Variants in LRP1B observed in about 807,000 individuals in gnomAD.
LRP1B encodes the protein low-density lipoprotein receptor-related protein 1B.
In LRP1B, 217 loss-of-function variants were observed where a neutral mutation model predicts 556.6. The ratio of observed to expected loss-of-function variants is 0.39; its 90% CI spans 0.35 to 0.44. The LOEUF (loss-of-function observed/expected upper bound fraction) is 0.44. Ranked by LOEUF, LRP1B falls within the 20% of genes least tolerant of loss-of-function variation. LRP1B has a pLI of 1.00. For missense variants in LRP1B, 5,053 were observed against 5,620.8 expected (o/e 0.90, Z 3.23); for synonymous variants, 2,047 against 1,865.8 (o/e 1.10, Z -2.50).
At chr2:140,233,665 G>C (rs1374822686) in intron 90 of LRP1B, among the ~76,000 whole-genome samples, 2 of 151,160 alleles carry the variant, frequency 1.3e-5, no homozygotes, top group Non-Finnish European at 3.0e-5. Flanking sequence ...AAATTGTCAT[G>C]TTTTCAGTTT....
At chr2:142,128,089 C>T (rs1707720343) in intron 1 of LRP1B, among the ~76,000 whole-genome samples, 1 of 151,874 alleles carries the variant, frequency 6.6e-6, no homozygotes, top group African/African-American at 2.4e-5. Flanking sequence ...TCAATATAAA[C>T]TAATAAAATA....
intron 3 of LRP1B, among the ~76,000 whole-genome samples, chr2:141,312,484 G>C (rs1234995711): frequency 6.6e-6 from 1 of 152,146 alleles, no homozygotes; most frequent in Admixed American, 6.5e-5. Flanking sequence ...GCTGTTAACA[G>C]TTAAGTTTTG....
intron 20 of LRP1B, among the ~76,000 whole-genome samples, chr2:140,930,636 G>T (rs1695021086): frequency 6.6e-6 from 1 of 152,058 alleles, no homozygotes; most frequent in South Asian, 2.1e-4. Flanking sequence ...CCAGTCTGAG[G>T]GAGAAGTCTT....
In LRP1B at chr2:141,055,048, CTAAT is replaced by C. The variant is rs1574027124; in HGVS notation, c.1552+64_1552+67del. The C allele has an allele frequency of 1.9e-5, 29 of 1,553,304 alleles. No homozygotes were observed. The East Asian group carries it at 6.2e-4, about 33-fold the overall frequency. ...CATGTTATGACTGATGTTGATGCTGCTAATTAATACTTAAAATCCTATTCTAAAG... is the reference window on the plus strand; with the variant it reads ...CATGTTATGACTGATGTTGATGCTGCTAATACTTAAAATCCTATTCTAAAG... On this transcript the variant is annotated intron_variant, in intron 10 of 90. Coordinates refer to ENST00000389484, the MANE Select transcript of LRP1B (RefSeq NM_018557.3).
At chr2:141,339,431 A>G (rs1318661177) in intron 3 of LRP1B, among the ~76,000 whole-genome samples, 1 of 152,182 alleles carries the variant, frequency 6.6e-6, no homozygotes, top group Non-Finnish European at 1.5e-5. Context: ...TTCTTTTACT[A>G]CATATTGGGC....
intron 66 of LRP1B, among the ~76,000 whole-genome samples, chr2:140,424,276 T>G (rs575921963): frequency 6.6e-6 from 1 of 152,336 alleles, no homozygotes; most frequent in Admixed American, 6.5e-5. Flanking sequence ...TTTTTTAAAA[T>G]TACGAAGTAT....
intron 32 of LRP1B, among the ~76,000 whole-genome samples, chr2:140,781,122 A>G (rs1689683915): frequency 6.6e-6 from 1 of 152,194 alleles, no homozygotes; most frequent in Non-Finnish European, 1.5e-5. Flanking sequence ...GTACAGGGTC[A>G]GTAAATAAAT....
intron 21 of LRP1B, 77 bp downstream of exon 21, chr2:140,922,888 G>T (rs2105257793): frequency 8.1e-7 from 1 of 1,240,420 alleles, no homozygotes; most frequent in Non-Finnish European, 1.1e-6. Flanking sequence ...ACAAAGGTGA[G>T]ATACAGATTC....
chr2:141,860,010 A>T (rs1466157997), intron 1 of LRP1B, among the ~76,000 whole-genome samples: 5 of 152,160 alleles, frequency 3.3e-5, no homozygotes, highest in Non-Finnish European at 2.9e-5. Flanking sequence ...TTCATAAAAA[A>T]CAAACAGAAA....
intron 11 of LRP1B, among the ~76,000 whole-genome samples, chr2:141,038,432 G>C (rs1470217481): frequency 6.6e-6 from 1 of 152,110 alleles, no homozygotes; most frequent in Non-Finnish European, 1.5e-5. Context: ...ACCAAGTTTT[G>C]ATGTGGAGTA....
intron 1 of LRP1B, among the ~76,000 whole-genome samples, chr2:141,943,736 A>G (rs1312279003): frequency 1.3e-5 from 2 of 152,040 alleles, no homozygotes; most frequent in Admixed American, 6.6e-5. Flanking sequence ...TGAAGTCTTA[A>G]TACATGACTT....
intron 7 of LRP1B, among the ~76,000 whole-genome samples, chr2:141,126,278 C>A (rs906933425): frequency 6.6e-6 from 1 of 152,146 alleles, no homozygotes; most frequent in Non-Finnish European, 1.5e-5. Context: ...AGGTGATGCA[C>A]CCGCCTCGGA....
At chr2:140,860,352 C>T (rs1692752960) in intron 27 of LRP1B, among the ~76,000 whole-genome samples, 1 of 152,154 alleles carries the variant, frequency 6.6e-6, no homozygotes, top group Non-Finnish European at 1.5e-5. Flanking sequence ...CTCTCTTTTT[C>T]TGGGTTTTGA....
At chr2:142,126,014 A>G (rs925364757) in intron 1 of LRP1B, among the ~76,000 whole-genome samples, 3 of 151,862 alleles carry the variant, frequency 2.0e-5, no homozygotes, top group Admixed American at 1.3e-4. Context: ...GGCTGAGCAT[A>G]TATTCTGATT....
chr2:142,000,676 T>C (rs1030844533), intron 1 of LRP1B, among the ~76,000 whole-genome samples: 2 of 152,216 alleles, frequency 1.3e-5, no homozygotes, highest in Non-Finnish European at 2.9e-5. Context: ...GTCATAATGC[T>C]TACTTTTTGC....
chr2:142,051,717 C>T (rs548593566), intron 1 of LRP1B, among the ~76,000 whole-genome samples: 23 of 152,068 alleles, frequency 1.5e-4, no homozygotes, highest in Admixed American at 1.5e-3. Flanking sequence ...CCTTGTGATC[C>T]ATCCCCCTCG....
intron 2 of LRP1B, among the ~76,000 whole-genome samples, chr2:141,500,721 T>G (rs558376404): frequency 6.6e-6 from 1 of 152,234 alleles, no homozygotes; most frequent in East Asian, 1.9e-4. Flanking sequence ...AGTTTTTTCA[T>G]CCATATAGAT....
chr2:141,019,999 T>G lies in LRP1B; in HGVS notation c.1893A>C (p.Lys631Asn), dbSNP rs2105396853. 1 of 1,611,512 alleles carries G rather than the reference T, an allele frequency of 6.2e-7. No individual in the cohort carries two copies. The highest frequency in any genetic ancestry group is 8.5e-7 in the Non-Finnish European group (1 of 1,178,344). Residue 631 changes from lysine to asparagine, a missense_variant, in exon 12 of 91, where the codon AAA becomes AAC. Lys to Asn is a moderately conservative substitution (Grantham distance 94). Coordinates refer to ENST00000389484, the MANE Select transcript of LRP1B (RefSeq NM_018557.3). The part of the protein sequence containing the change: ...RKTINVARLE[K>N]ASQSRKTLLE... ...AAAGAGTCTTCCGACTCTGAGAAGC[T>G]TTTTCCAGCCTGGCCACATTAATGG... is the stretch of plus-strand genomic sequence containing the variant.
intron 18 of LRP1B, among the ~76,000 whole-genome samples, chr2:140,978,333 T>G (rs528941171): frequency 1.3e-5 from 2 of 152,312 alleles, no homozygotes; most frequent in South Asian, 4.1e-4. Flanking sequence ...AGGCTTTGCA[T>G]GTTTTTAAAT....
Sources: gnomAD v4.1 joint callset for allele counts (sites outside exome capture counted in the v4.1 genomes callset) on GRCh38, gnomAD v4.1.1 for gene constraint, MANE v1.5 for transcripts, NCBI Gene and HGNC (gene_info 2026-07-23, HGNC 2026-07-21) for gene names.